DOCK2: variants seen among roughly 807,000 people sequenced by gnomAD.
DOCK2 encodes dedicator of cytokinesis protein 2.
Under a neutral mutation model 248.9 loss-of-function variants are expected in DOCK2, and 87 were observed. The ratio of observed to expected loss-of-function variants is 0.35; its 90% CI spans 0.29 to 0.42. The LOEUF (loss-of-function observed/expected upper bound fraction) is 0.42, where lower values mean the gene tolerates loss of function less well. Ranked by LOEUF, DOCK2 falls within the 10% of genes least tolerant of loss-of-function variation. DOCK2 has a pLI of 1.00. For synonymous variants in DOCK2, 805 were observed against 821.6 expected (o/e 0.98, Z 0.35); for missense variants, 1,747 against 2,300.2 (o/e 0.76, Z 4.92).
intron 22 of DOCK2, among the ~76,000 whole-genome samples, chr5:169,745,374 A>T (rs1763553456): frequency 6.6e-6 from 1 of 152,190 alleles, no homozygotes; most frequent in Admixed American, 6.5e-5. Context: ...CTTCCAACTG[A>T]CAACAGTACG....
At chr5:169,751,546 A>G (rs1325184165) in intron 23 of DOCK2, among the ~76,000 whole-genome samples, 2 of 152,080 alleles carry the variant, frequency 1.3e-5, no homozygotes, top group Non-Finnish European at 2.9e-5. Context: ...TTATGTTGGA[A>G]ACCCTCTTTT....
chr5:169,868,343 C>T (rs750321702), intron 27 of DOCK2, among the ~76,000 whole-genome samples: 2 of 152,220 alleles, frequency 1.3e-5, no homozygotes, highest in Non-Finnish European at 1.5e-5. Context: ...TGAATACACA[C>T]ATGCACCAAC....
intron 22 of DOCK2, among the ~76,000 whole-genome samples, chr5:169,728,204 T>A (rs967362849): frequency 6.6e-6 from 1 of 152,128 alleles, no homozygotes; most frequent in African/African-American, 2.4e-5. Flanking sequence ...GTAGTGGGTT[T>A]TTATAGTGTA....
chr5:169,951,399 A>G (rs1776658220), intron 27 of DOCK2, among the ~76,000 whole-genome samples: 1 of 152,180 alleles, frequency 6.6e-6, no homozygotes, highest in African/African-American at 2.4e-5. Flanking sequence ...CAGGGCTTGA[A>G]TCCAGATCTT....
chr5:170,056,901 A>G (rs188324639), intron 43 of DOCK2, 133 bp downstream of exon 43: 123 of 742,162 alleles, frequency 1.7e-4, no homozygotes, highest in Non-Finnish European at 2.6e-4. Context: ...CATGGATACC[A>G]TGACGTCCGT....
At chr5:170,082,030 A>G (rs1581582647) in intron 51 of DOCK2, 46 bp downstream of exon 51, 2 of 1,603,360 alleles carry the variant, frequency 1.2e-6, no homozygotes, top group Middle Eastern at 1.7e-4. Flanking sequence ...TGGGAGGAGA[A>G]AGGGAAGAGA....
intron 2 of DOCK2, among the ~76,000 whole-genome samples, chr5:169,668,124 A>G (rs1758835828): frequency 6.6e-6 from 1 of 152,220 alleles, no homozygotes; most frequent in South Asian, 2.1e-4. Flanking sequence ...TCTGTGCCTC[A>G]GGTAGGCCAC....
Position 169,695,826 on chromosome 5 carries a change from C to T in DOCK2, c.867C>T (p.Asn289=), listed in dbSNP as rs765789550. 1.2e-6 allele frequency: 2 copies of T among 1,613,850 alleles called. No individual in the cohort carries two copies. The highest frequency in any genetic ancestry group is 1.1e-5 in the South Asian group (1 of 91,050). Residue 289 remains asparagine, a synonymous_variant, in exon 10 of 52, where the codon AAC becomes AAT. Coordinates refer to ENST00000520908, the MANE Select transcript of DOCK2 (RefSeq NM_004946.3). ...AGGATCTTGGAAACAAAGACCTCAA[C>T]AGGGATAAAATTTACTTGATTTGTC... ...VFTDLGNKDL[N]RDKIYLICQI...
chr5:170,033,824 T>C (rs184121679), intron 34 of DOCK2, among the ~76,000 whole-genome samples: 162 of 152,356 alleles, frequency 1.1e-3, no homozygotes, highest in African/African-American at 3.7e-3. Flanking sequence ...CCTAGCTCTA[T>C]ATTTTATAGA....
At chr5:169,973,501 A>G (rs1777602539) in intron 27 of DOCK2, among the ~76,000 whole-genome samples, 1 of 152,154 alleles carries the variant, frequency 6.6e-6, no homozygotes, top group Non-Finnish European at 1.5e-5. Context: ...CAGAACCTGC[A>G]TGGTTATCCC....
intron 1 of DOCK2, among the ~76,000 whole-genome samples, chr5:169,647,786 C>G (rs1267792294): frequency 3.3e-5 from 5 of 152,184 alleles, no homozygotes; most frequent in African/African-American, 1.2e-4. Context: ...TTAGTGGGGC[C>G]TCTTTTTCCC....
chr5:170,080,325 T>C lies in DOCK2; in HGVS notation c.5287+42T>C, dbSNP rs372846904. 4.1e-4 allele frequency: 659 copies of C among 1,609,660 alleles called. 11 individuals carry two copies. In the South Asian group the frequency reaches 6.8e-3, roughly 17 times the overall value. On this transcript the variant is annotated intron_variant, in intron 50 of 51. Coordinates refer to ENST00000520908, the MANE Select transcript of DOCK2 (RefSeq NM_004946.3). ...CACCAGCATGAGGGAGTAGAGATAGTGCAGGCCACCAGCCTTGTGGGTGGA... is the reference window on the plus strand; with the variant it reads ...CACCAGCATGAGGGAGTAGAGATAGCGCAGGCCACCAGCCTTGTGGGTGGA...
At chr5:169,977,028 T>C (rs1232040128) in intron 27 of DOCK2, among the ~76,000 whole-genome samples, 1 of 152,252 alleles carries the variant, frequency 6.6e-6, no homozygotes, top group Admixed American at 6.5e-5. Context: ...AGAATGTCAC[T>C]GCACGCAAAG....
chr5:169,964,554 G>A (rs10067968), intron 27 of DOCK2, among the ~76,000 whole-genome samples: 83,570 of 152,108 alleles, frequency 0.55, 23,373 homozygotes, highest in Middle Eastern at 0.65. Context: ...TCCGCCTGGA[G>A]GGCTTCCTTT....
At chr5:170,008,222 C>CA (rs1458638799) in intron 30 of DOCK2, among the ~76,000 whole-genome samples, 1 of 49,160 alleles carries the variant, frequency 2.0e-5, no homozygotes, top group Non-Finnish European at 4.7e-5. Context: ...ACAACAACAA[C>CA]AACAAAAAAA....
chr5:170,046,170 C>T (rs929406952), intron 39 of DOCK2, among the ~76,000 whole-genome samples: 4 of 152,208 alleles, frequency 2.6e-5, no homozygotes, highest in Admixed American at 6.5e-5. Flanking sequence ...CAACTGCCAC[C>T]GCTGCTGCAG....
intron 43 of DOCK2, chr5:170,056,979 C>G: frequency 1.9e-6 from 1 of 538,916 alleles, no homozygotes; most frequent in Non-Finnish European, 3.3e-6. Context: ...ATACAGAACC[C>G]AGGCCTCATG....
intron 27 of DOCK2, among the ~76,000 whole-genome samples, chr5:169,861,214 C>A (rs1032929600): frequency 1.3e-5 from 2 of 152,190 alleles, no homozygotes; most frequent in African/African-American, 4.8e-5. Context: ...ATAATGAAAG[C>A]CATACTTGCC....
At chr5:169,892,220 A>C (rs551735964) in intron 27 of DOCK2, among the ~76,000 whole-genome samples, 2 of 152,108 alleles carry the variant, frequency 1.3e-5, no homozygotes, top group Non-Finnish European at 2.9e-5. Flanking sequence ...GACTCAAAGC[A>C]AACCTAAAAA....
Sources: allele counts gnomAD v4.1 joint callset (sites outside exome capture counted in the v4.1 genomes callset), GRCh38; gene constraint gnomAD v4.1.1; transcripts MANE v1.5; gene names NCBI Gene and HGNC (gene_info 2026-07-23, HGNC 2026-07-21).